Variants in TRIO observed in about 807,000 individuals in gnomAD.
The protein encoded by TRIO is trio Rho guanine nucleotide exchange factor.
TRIO carries 58 observed loss-of-function variants against 351.9 expected under a neutral mutation model. That is an observed-to-expected ratio of 0.16 (90% CI 0.13 to 0.21). TRIO has a LOEUF of 0.21. TRIO is among the 10% of genes least tolerant of loss of function. The probability of loss-of-function intolerance (pLI) is 1.00; values close to 1 mark genes in which losing one functional copy is unlikely to be tolerated. For missense variants in TRIO, 3,201 were observed against 4,027.8 expected, an observed-to-expected ratio of 0.79 and a Z score of 5.56; for synonymous variants, 1,758 against 1,595.7, an observed-to-expected ratio of 1.10 and a Z score of -2.42.
chr5:14,148,589 G>T (rs866280781), intron 1 of TRIO, among the ~76,000 whole-genome samples: 24 of 152,172 alleles, frequency 1.6e-4, no homozygotes, highest in African/African-American at 5.3e-4. Context: ...ATAATGAATT[G>T]GCTTTTATTT....
chr5:14,293,030 C>A lies in TRIO; in HGVS notation c.1072C>A (p.His358Asn). 6.2e-7 allele frequency: 1 copy of A among 1,614,150 alleles called. No homozygotes were observed. ...DAEKMFDWIT[H>N]NKGLFLNSYT... is the part of the protein sequence containing the mutation. ...CCGGTAGATGTTTGACTGGATCACA[C>A]ACAACAAAGGCCTGTTTCTAAACAG... is the stretch of plus-strand genomic sequence containing the variant. Residue 358 changes from histidine to asparagine, a missense_variant, in exon 6 of 57, where the codon CAC (histidine) becomes AAC (asparagine). Physicochemically the swap from His to Asn is moderately conservative, Grantham distance 68. Around this residue, in one of 19 missense-constraint regions of TRIO, gnomAD observed 349 missense variants for 449.3 expected, o/e 0.78. Coordinates refer to ENST00000344204, the MANE Select transcript of TRIO (RefSeq NM_007118.4).
intron 1 of TRIO, among the ~76,000 whole-genome samples, chr5:14,144,549 G>A (rs1031216182): frequency 6.6e-6 from 1 of 152,138 alleles, no homozygotes; most frequent in African/African-American, 2.4e-5. Context: ...TGTCTCCGGG[G>A]ACGACCCGGG....
At chr5:14,239,836 T>G (rs1331174447) in intron 1 of TRIO, among the ~76,000 whole-genome samples, 4 of 152,156 alleles carry the variant, frequency 2.6e-5, no homozygotes, top group African/African-American at 4.8e-5. Context: ...AAGGAGAACA[T>G]TTGTTTTTGA....
At chr5:14,240,470 A>C (rs988387558) in intron 1 of TRIO, among the ~76,000 whole-genome samples, 1 of 152,224 alleles carries the variant, frequency 6.6e-6, no homozygotes, top group Non-Finnish European at 1.5e-5. Context: ...GTTCTTTTAC[A>C]TCACAGCAGA....
chr5:14,460,099 G>T (rs1197967250), intron 34 of TRIO, among the ~76,000 whole-genome samples: 1 of 151,994 alleles, frequency 6.6e-6, no homozygotes, highest in South Asian at 2.1e-4. Context: ...TGTATTTTTA[G>T]TAGAGATGGG....
intron 47 of TRIO, 136 bp from the exon 48 acceptor site, chr5:14,487,327 TG>T: frequency 9.9e-7 from 1 of 1,009,682 alleles, no homozygotes. Flanking sequence ...CTAGCTCTCC[TG>T]ATGGGTGGGG....
At chr5:14,486,998 A>G (rs955310131) in intron 47 of TRIO, among the ~76,000 whole-genome samples, 11 of 152,172 alleles carry the variant, frequency 7.2e-5, no homozygotes, top group African/African-American at 1.2e-4. Flanking sequence ...ACCCAAGTCA[A>G]GAGATGGGAC....
intron 9 of TRIO, among the ~76,000 whole-genome samples, chr5:14,324,876 C>T (rs1049589802): frequency 1.3e-5 from 2 of 152,212 alleles, no homozygotes; most frequent in Non-Finnish European, 2.9e-5. Flanking sequence ...GCTGAATGTT[C>T]AAGGACTTGC....
chr5:14,415,936 G>T (rs1431844945), intron 33 of TRIO, among the ~76,000 whole-genome samples: 1 of 151,682 alleles, frequency 6.6e-6, no homozygotes, highest in African/African-American at 2.4e-5. Context: ...TATGAATCTC[G>T]CAAGTGTTAA....
intron 34 of TRIO, among the ~76,000 whole-genome samples, chr5:14,451,036 T>C (rs922819216): frequency 6.6e-6 from 1 of 152,142 alleles, no homozygotes; most frequent in South Asian, 2.1e-4. Context: ...AGAATATAGA[T>C]TTAAGTTTGG....
At chr5:14,373,918 C>T (rs1014567374) in intron 18 of TRIO, among the ~76,000 whole-genome samples, 2 of 152,190 alleles carry the variant, frequency 1.3e-5, no homozygotes, top group Non-Finnish European at 2.9e-5. Flanking sequence ...GGTGTGCAAA[C>T]CTCTCTAGAC....
At position 14,143,890 on chromosome 5, in the gene TRIO, C is replaced by G. The variant is rs1163882773; in HGVS notation, c.157+8C>G. On this transcript the variant is annotated splice_region_variant and intron_variant, in intron 1 of 56. Coordinates refer to ENST00000344204, the MANE Select transcript of TRIO (RefSeq NM_007118.4). ...CGGCCTTCTTCCGATCCGGTGAGTG[C>G]AACTGCGGCCGGCCCGCCCAGCGGC... 1 of 1,075,838 alleles carries G rather than the reference C, an allele frequency of 9.3e-7. No individual in the cohort carries two copies. The highest frequency in any genetic ancestry group is 1.1e-6 in the Non-Finnish European group (1 of 888,982). 66.6% of individuals were successfully genotyped at this position (1,075,838 alleles called of 1,614,324 possible).
chr5:14,272,087 A>G (rs1269838101), intron 2 of TRIO, among the ~76,000 whole-genome samples: 3 of 152,224 alleles, frequency 2.0e-5, no homozygotes, highest in East Asian at 3.8e-4. Context: ...CTGAGTTTTA[A>G]AAGTAGCATT....
chr5:14,435,970 T>C (rs1381868832), intron 34 of TRIO, among the ~76,000 whole-genome samples: 2 of 152,192 alleles, frequency 1.3e-5, no homozygotes, highest in East Asian at 1.9e-4. Flanking sequence ...GGTATGCTCA[T>C]TGCTGTGTGT....
chr5:14,256,676 C>T (rs1795038442), intron 1 of TRIO, among the ~76,000 whole-genome samples: 1 of 152,120 alleles, frequency 6.6e-6, no homozygotes, highest in Admixed American at 6.5e-5. Context: ...TTTTGTTTTA[C>T]CATAAAGTGA....
chr5:14,492,927 GTA>G, intron 49 of TRIO, 113 bp downstream of exon 49: 1 of 1,480,054 alleles, frequency 6.8e-7, no homozygotes, highest in Admixed American at 2.2e-5. Flanking sequence ...ATCTGCGCTG[GTA>G]TGTTAGAACA....
chr5:14,356,413 T>C (rs1368026985), intron 11 of TRIO, among the ~76,000 whole-genome samples: 2 of 152,300 alleles, frequency 1.3e-5, no homozygotes, highest in East Asian at 1.9e-4. Flanking sequence ...GAATTGGAAA[T>C]TGAAACCATA....
intron 1 of TRIO, among the ~76,000 whole-genome samples, chr5:14,189,230 C>T (rs1487891499): frequency 2.0e-5 from 3 of 152,152 alleles, no homozygotes; most frequent in African/African-American, 7.2e-5. Flanking sequence ...GATATTGGTA[C>T]CTGACTGTCC....
intron 1 of TRIO, among the ~76,000 whole-genome samples, chr5:14,224,865 A>G (rs1792883424): frequency 6.6e-6 from 1 of 151,856 alleles, no homozygotes; most frequent in Admixed American, 6.6e-5. Flanking sequence ...TGCATAGGTT[A>G]AGATATGTGA....
Sources: allele counts gnomAD v4.1 joint callset (sites outside exome capture counted in the v4.1 genomes callset), GRCh38; gene constraint gnomAD v4.1.1; regional missense constraint gnomAD v4.1.1; transcripts MANE v1.5; gene names NCBI Gene and HGNC (gene_info 2026-07-23, HGNC 2026-07-21).